Variants in ROR1 observed in about 807,000 individuals in gnomAD.
The protein encoded by ROR1 is inactive tyrosine-protein kinase transmembrane receptor ROR1.
A neutral mutation model predicts 78.8 loss-of-function variants in ROR1; 19 were observed. The ratio of observed to expected loss-of-function variants is 0.24; its 90% CI spans 0.17 to 0.35. The LOEUF (loss-of-function observed/expected upper bound fraction) is 0.35, where lower values mean the gene tolerates loss of function less well. Ranked by LOEUF, ROR1 falls within the 10% of genes least tolerant of loss-of-function variation. The probability of loss-of-function intolerance (pLI) is 1.00; values close to 1 mark genes in which losing one functional copy is unlikely to be tolerated. For missense variants in ROR1, 917 were observed against 1,177.8 expected (o/e 0.78, Z 3.24); for synonymous variants, 386 against 433.6 (o/e 0.89, Z 1.36).
intron 1 of ROR1, among the ~76,000 whole-genome samples, chr1:63,840,147 C>A (rs1257802568): frequency 6.6e-6 from 1 of 152,144 alleles, no homozygotes; most frequent in Non-Finnish European, 1.5e-5. Flanking sequence ...TTTGTGCATC[C>A]ATCCATGATG....
intron 4 of ROR1, among the ~76,000 whole-genome samples, chr1:64,057,801 T>TTTGTTG (rs776099867): frequency 6.6e-6 from 1 of 152,198 alleles, no homozygotes; most frequent in Admixed American, 6.5e-5. Flanking sequence ...TTTCAAGACT[T>TTTGTTG]TTGTTGTTGT....
intron 2 of ROR1, among the ~76,000 whole-genome samples, chr1:64,033,703 T>C (rs1430687798): frequency 2.6e-5 from 4 of 152,224 alleles, no homozygotes; most frequent in Non-Finnish European, 4.4e-5. Context: ...GGTACTGTTC[T>C]AAGTACCTTA....
intron 7 of ROR1, among the ~76,000 whole-genome samples, chr1:64,148,047 C>A (rs999716873): frequency 6.6e-6 from 1 of 152,208 alleles, no homozygotes; most frequent in Non-Finnish European, 1.5e-5. Flanking sequence ...CTTTTCTACA[C>A]TGTACAATTG....
intron 7 of ROR1, among the ~76,000 whole-genome samples, chr1:64,148,088 G>A (rs540157109): frequency 2.6e-5 from 4 of 152,310 alleles, no homozygotes; most frequent in African/African-American, 9.6e-5. Flanking sequence ...ATATTCAATA[G>A]TAATTATCAT....
chr1:63,993,796 C>T (rs990824287), intron 1 of ROR1, among the ~76,000 whole-genome samples: 2 of 151,984 alleles, frequency 1.3e-5, no homozygotes, highest in African/African-American at 4.8e-5. Context: ...AGGTTGTTTC[C>T]AATCATTTTA....
intron 1 of ROR1, among the ~76,000 whole-genome samples, chr1:63,988,653 C>T (rs1057051370): frequency 1.3e-5 from 2 of 152,328 alleles, no homozygotes; most frequent in East Asian, 3.9e-4. Context: ...CCCACCCTGC[C>T]TCTGCCTCCT....
At chr1:63,892,529 T>C (rs1349056528) in intron 1 of ROR1, among the ~76,000 whole-genome samples, 1 of 152,210 alleles carries the variant, frequency 6.6e-6, no homozygotes, top group Admixed American at 6.5e-5. Flanking sequence ...ATTTATTGTC[T>C]ATTTTACAGA....
chr1:63,856,579 G>C (rs1162780344), intron 1 of ROR1, among the ~76,000 whole-genome samples: 1 of 152,078 alleles, frequency 6.6e-6, no homozygotes, highest in Non-Finnish European at 1.5e-5. Context: ...TGGACTGTTA[G>C]CTCAATTCAC....
intron 1 of ROR1, among the ~76,000 whole-genome samples, chr1:63,871,366 A>G (rs1372938035): frequency 1.3e-5 from 2 of 152,188 alleles, no homozygotes; most frequent in Non-Finnish European, 2.9e-5. Flanking sequence ...CAAGTGCTTC[A>G]GTGAAAGCTT....
intron 1 of ROR1, among the ~76,000 whole-genome samples, chr1:63,865,027 T>C (rs1325310122): frequency 6.6e-6 from 1 of 152,130 alleles, no homozygotes; most frequent in Admixed American, 6.5e-5. Flanking sequence ...TAAAGAATGT[T>C]TCACTATATA....
chr1:64,179,345 G>T lies in ROR1; in HGVS notation c.*490G>T. On this transcript the variant is annotated 3_prime_UTR_variant, in exon 9 of 9. Transcript: ENST00000371079. ...ATTTAGACTCTGTGCATGTTCTTATGGAAATGATGTTCAGAATCCATGAAG... is the reference window on the plus strand; with the variant it reads ...ATTTAGACTCTGTGCATGTTCTTATTGAAATGATGTTCAGAATCCATGAAG... 1 of 152,924 alleles carries T rather than the reference G, an allele frequency of 6.5e-6. No homozygotes were observed. The highest frequency in any genetic ancestry group is 1.5e-5 in the Non-Finnish European group (1 of 68,562). The allele number at this position is 152,924 out of a possible 1,614,324, so 9.5% of individuals were successfully genotyped here. A position where few individuals can be genotyped will look rare whatever the true frequency, so the allele number is the denominator to read the frequency against.
At chr1:63,813,933 A>G (rs529417847) in intron 1 of ROR1, among the ~76,000 whole-genome samples, 27 of 152,342 alleles carry the variant, frequency 1.8e-4, no homozygotes, top group Non-Finnish European at 3.1e-4. Flanking sequence ...TTCACAGTCC[A>G]TGTGGCTCTG....
chr1:63,850,695 A>T (rs924327808), intron 1 of ROR1, among the ~76,000 whole-genome samples: 2 of 152,206 alleles, frequency 1.3e-5, no homozygotes, highest in African/African-American at 4.8e-5. Context: ...TATAGGGCAG[A>T]TTTGAGTTTC....
chr1:63,857,768 TG>T (rs1645157876), intron 1 of ROR1, among the ~76,000 whole-genome samples: 2 of 152,188 alleles, frequency 1.3e-5, no homozygotes, highest in African/African-American at 4.8e-5. Context: ...GAACCATATT[TG>T]GTAAGCCTCT....
At chr1:63,982,038 A>G (rs1475656174) in intron 1 of ROR1, among the ~76,000 whole-genome samples, 23 of 152,076 alleles carry the variant, frequency 1.5e-4, no homozygotes, top group Non-Finnish European at 2.9e-5. Flanking sequence ...AAATACTACT[A>G]CTAATAATTG....
intron 4 of ROR1, among the ~76,000 whole-genome samples, chr1:64,088,794 A>G (rs1647173201): frequency 6.6e-6 from 1 of 152,186 alleles, no homozygotes; most frequent in Non-Finnish European, 1.5e-5. Flanking sequence ...ATTCTTATGC[A>G]AAAGACAGTA....
At chr1:64,168,076 G>A (rs1161418258) in intron 8 of ROR1, among the ~76,000 whole-genome samples, 1 of 152,136 alleles carries the variant, frequency 6.6e-6, no homozygotes, top group African/African-American at 2.4e-5. Flanking sequence ...CCATAAAATG[G>A]GGGCAGTCGT....
intron 1 of ROR1, among the ~76,000 whole-genome samples, chr1:63,898,259 T>A (rs539618512): frequency 6.6e-6 from 1 of 152,322 alleles, no homozygotes; most frequent in South Asian, 2.1e-4. Flanking sequence ...TTCAATTCTG[T>A]TATCCCTAGT....
chr1:63,960,194 A>AGAAT (rs1221328785), intron 1 of ROR1, among the ~76,000 whole-genome samples: 1 of 152,256 alleles, frequency 6.6e-6, no homozygotes, highest in Non-Finnish European at 1.5e-5. Context: ...TGAATGAAAG[A>AGAAT]GAATGAATGA....
Sources: allele counts gnomAD v4.1 joint callset (sites outside exome capture counted in the v4.1 genomes callset), GRCh38; gene constraint gnomAD v4.1.1; transcripts MANE v1.5; gene names NCBI Gene and HGNC (gene_info 2026-07-23, HGNC 2026-07-21).